PIBF1: variants seen among roughly 807,000 people sequenced by gnomAD.
PIBF1 encodes progesterone immunomodulatory binding factor 1.
In PIBF1, 90 loss-of-function variants were observed where a neutral mutation model predicts 112.5. That is an observed-to-expected ratio of 0.80 (90% CI 0.67 to 0.95). The LOEUF (loss-of-function observed/expected upper bound fraction) is 0.95. Ranked by LOEUF, PIBF1 falls within the 40% of genes least tolerant of loss-of-function variation. The pLI is 0.00. For missense variants in PIBF1, 915 were observed against 852.3 expected (o/e 1.07, Z -0.92); for synonymous variants, 301 against 288.6 (o/e 1.04, Z -0.44).
intron 10 of PIBF1, among the ~76,000 whole-genome samples, chr13:72,892,859 A>G (rs1174548362): frequency 2.0e-5 from 3 of 151,314 alleles, no homozygotes; most frequent in South Asian, 2.1e-4. Flanking sequence ...TCTCCTTCAT[A>G]TGTGTTCCCA....
chr13:72,944,171 G>C (rs1038261805), intron 14 of PIBF1, among the ~76,000 whole-genome samples: 1 of 152,176 alleles, frequency 6.6e-6, no homozygotes, highest in South Asian at 2.1e-4. Context: ...AATAAGCCGG[G>C]TGTGGTGGCT....
chr13:72,967,093 G>A (rs777271975), intron 15 of PIBF1, among the ~76,000 whole-genome samples: 47 of 151,772 alleles, frequency 3.1e-4, no homozygotes, highest in Non-Finnish European at 5.4e-4. Context: ...ACGCTGCCAC[G>A]CCCAGCTAAT....
At chr13:72,916,386 C>G (rs1214399976) in intron 12 of PIBF1, among the ~76,000 whole-genome samples, 2 of 129,790 alleles carry the variant, frequency 1.5e-5, no homozygotes, top group African/African-American at 3.0e-5. Flanking sequence ...GAGCGAAACT[C>G]CATCTCAAAA....
At chr13:72,901,529 T>TA (rs1295288854) in intron 11 of PIBF1, among the ~76,000 whole-genome samples, 3 of 151,596 alleles carry the variant, frequency 2.0e-5, no homozygotes, top group African/African-American at 7.3e-5. Flanking sequence ...CTACTAAAAA[T>TA]AAAAAATTAG....
intron 16 of PIBF1, among the ~76,000 whole-genome samples, chr13:72,990,141 G>A (rs556141316): frequency 1.3e-3 from 189 of 148,908 alleles, no homozygotes; most frequent in Non-Finnish European, 2.4e-3. Context: ...TTGAACCCAG[G>A]AGACAGAGGT....
intron 5 of PIBF1, among the ~76,000 whole-genome samples, chr13:72,803,502 G>A (rs1048967505): frequency 6.6e-6 from 1 of 152,108 alleles, no homozygotes; most frequent in East Asian, 1.9e-4. Flanking sequence ...ATGTGTTTCT[G>A]TGATTATGAT....
intron 16 of PIBF1, among the ~76,000 whole-genome samples, chr13:72,975,930 A>G (rs759569437): frequency 2.0e-5 from 3 of 151,964 alleles, no homozygotes; most frequent in Non-Finnish European, 4.4e-5. Context: ...TTAAAGCTAG[A>G]TATTAATTTT....
chr13:72,792,549 TA>T lies in PIBF1; in HGVS notation c.353+4del. 1 of 1,438,368 alleles carries T rather than the reference TA, an allele frequency of 7.0e-7. No individual in the cohort carries two copies. The highest frequency in any genetic ancestry group is 9.4e-7 in the Non-Finnish European group (1 of 1,060,144). The allele number at this position is 1,438,368 out of a possible 1,614,324, so 89.1% of individuals were successfully genotyped here. On this transcript the variant is annotated splice_donor_region_variant and intron_variant, in intron 3 of 17. Coordinates refer to ENST00000326291, the MANE Select transcript of PIBF1 (RefSeq NM_006346.4). Reference sequence around the variant, plus strand: ...GGCTTTTCAACAGAAAGATGCCAGGTAAGAAAAGTTTTTTTTAAAAAAAAAA... The same window carrying T: ...GGCTTTTCAACAGAAAGATGCCAGGTAGAAAAGTTTTTTTTAAAAAAAAAA...
chr13:72,837,282 T>G (rs966494687), intron 9 of PIBF1, among the ~76,000 whole-genome samples: 1 of 152,086 alleles, frequency 6.6e-6, no homozygotes, highest in Non-Finnish European at 1.5e-5. Flanking sequence ...TGTTTACACT[T>G]AGTTTATATT....
At chr13:72,864,463 G>A (rs905096851) in intron 10 of PIBF1, among the ~76,000 whole-genome samples, 8 of 152,146 alleles carry the variant, frequency 5.3e-5, no homozygotes, top group Non-Finnish European at 1.0e-4. Flanking sequence ...TTTTTAGGAT[G>A]TTTCTTAGAA....
In PIBF1 at chr13:72,790,421, T is replaced by TCACACACACACACACACA. The variant is rs57599910; in HGVS notation, c.253-2000_253-1983dup. On this transcript the variant is annotated intron_variant, in intron 2 of 17. Coordinates refer to ENST00000326291, the MANE Select transcript of PIBF1 (RefSeq NM_006346.4). ...TCAGTTAGAGTTTAGGAGGAGTCCA[T>TCACACACACACACACACA]CACACACACACACACACACACACAC... Among the ~76,000 whole-genome samples, 10 of 135,640 alleles carry TCACACACACACACACACA rather than the reference T, an allele frequency of 7.4e-5. No individual in the cohort carries two copies. The East Asian group carries it at 8.5e-4, about 12-fold the overall frequency. The allele number at this position is 135,640 out of a possible 152,430, so 89.0% of individuals were successfully genotyped here. A position where few individuals can be genotyped will look rare whatever the true frequency, so the allele number is the denominator to read the frequency against.
chr13:72,920,131 A>G (rs1402281057), intron 13 of PIBF1, among the ~76,000 whole-genome samples: 1 of 152,046 alleles, frequency 6.6e-6, no homozygotes, highest in Admixed American at 6.5e-5. Flanking sequence ...TTTAATATTT[A>G]AAGTGAGGAT....
At chr13:72,807,655 G>A (rs1394504003) in intron 5 of PIBF1, among the ~76,000 whole-genome samples, 2 of 152,196 alleles carry the variant, frequency 1.3e-5, no homozygotes, top group African/African-American at 4.8e-5. Context: ...GTTTTTCTGA[G>A]CAGTGGAACA....
chr13:72,846,283 T>G (rs2037876514), intron 9 of PIBF1, among the ~76,000 whole-genome samples: 1 of 152,188 alleles, frequency 6.6e-6, no homozygotes, highest in Non-Finnish European at 1.5e-5. Flanking sequence ...GAAGTCATCT[T>G]TTTTCACATT....
rs901903665 is a variant in PIBF1 at position 72,810,739 on chromosome 13, A to G, written c.673-11110A>G. The stretch of plus-strand genomic sequence containing the variant: ...CCTAGAATGCTTAACAAATTAGTAA[A>G]CAGTGATAGATTTGCCTCTTTATAT... On this transcript the variant is annotated intron_variant, in intron 5 of 17. Coordinates refer to ENST00000326291, the MANE Select transcript of PIBF1 (RefSeq NM_006346.4). 7.7e-4 allele frequency among the ~76,000 whole-genome samples: 118 copies of G among 152,332 alleles called. 1 individual carries two copies. The highest frequency in any genetic ancestry group is 1.3e-3 in the Non-Finnish European group (89 of 68,038).
intron 14 of PIBF1, among the ~76,000 whole-genome samples, chr13:72,960,454 G>GA (rs2042574820): frequency 6.6e-6 from 1 of 152,148 alleles, no homozygotes. Context: ...CTACTTTCAT[G>GA]AAAAAATTGA....
rs1427457926 is a variant in PIBF1 at position 73,005,520 on chromosome 13, T to A, written c.2223+6525T>A. Among the ~76,000 whole-genome samples, 10 of 151,862 alleles carry A rather than the reference T, an allele frequency of 6.6e-5. No individual in the cohort carries two copies. The South Asian group carries it at 2.1e-3, about 31-fold the overall frequency. ...TGAAATATAAAATAAAAAATAAATTTAAATTTTTAATTTAATTTAAAAATT... is the reference window on the plus strand; with the variant it reads ...TGAAATATAAAATAAAAAATAAATTAAAATTTTTAATTTAATTTAAAAATT... On this transcript the variant is annotated intron_variant, in intron 17 of 17. Transcript: ENST00000326291.
At chr13:72,903,274 C>G (rs1042898406) in intron 11 of PIBF1, among the ~76,000 whole-genome samples, 4 of 152,084 alleles carry the variant, frequency 2.6e-5, no homozygotes, top group African/African-American at 9.7e-5. Flanking sequence ...TTCTCCCCCC[C>G]TAGACTAAGA....
rs1566299458 is a variant in PIBF1 at position 72,810,671 on chromosome 13, T to C, written c.673-11178T>C. Among the ~76,000 whole-genome samples the C allele has an allele frequency of 2.6e-5, 4 of 152,212 alleles. No individual in the cohort carries two copies. In the South Asian group the frequency reaches 6.2e-4, roughly 24 times the overall value. ...CCAAGTGATGAGCTTAAAGTTTCTT[T>C]GTAAGGTACATATTTATGATGATAC... On this transcript the variant is annotated intron_variant, in intron 5 of 17. Transcript: ENST00000326291.
Sources: allele counts gnomAD v4.1 joint callset (sites outside exome capture counted in the v4.1 genomes callset), GRCh38; gene constraint gnomAD v4.1.1; transcripts MANE v1.5; gene names NCBI Gene and HGNC (gene_info 2026-07-23, HGNC 2026-07-21).